The following ST6GALNAC3 variants were observed in gnomAD, a reference collection of about 807,000 sequenced individuals.
The protein encoded by ST6GALNAC3 is alpha-N-acetylgalactosaminide alpha-2,6-sialyltransferase 3.
Under a neutral mutation model 32.7 loss-of-function variants are expected in ST6GALNAC3, and 25 were observed. The ratio of observed to expected loss-of-function variants is 0.76; its 90% CI spans 0.56 to 1.07. The LOEUF is 1.07. Among genes scored for constraint, ST6GALNAC3 ranks in the 50% least tolerant of loss-of-function variants. The pLI is 0.00. For synonymous variants in ST6GALNAC3, 129 were observed against 133.1 expected (o/e 0.97, Z 0.21); for missense variants, 355 against 382.4 (o/e 0.93, Z 0.60).
intron 1 of ST6GALNAC3, among the ~76,000 whole-genome samples, chr1:76,211,789 G>T (rs184573064): frequency 5.0e-3 from 764 of 152,046 alleles, no homozygotes; most frequent in Non-Finnish European, 7.8e-3. Context: ...CTGTTGTGGG[G>T]TGGGGGGAGC....
At chr1:76,452,265 A>G (rs6671888) in intron 3 of ST6GALNAC3, among the ~76,000 whole-genome samples, 75,668 of 151,974 alleles carry the variant, frequency 0.5, 22,305 homozygotes, top group Non-Finnish European at 0.65. Context: ...GACTGCTGCC[A>G]TCCACGTAAG....
intron 3 of ST6GALNAC3, among the ~76,000 whole-genome samples, chr1:76,457,204 G>C (rs1657883022): frequency 6.6e-6 from 1 of 151,242 alleles, no homozygotes; most frequent in Non-Finnish European, 1.5e-5. Flanking sequence ...AAATAAAAGA[G>C]GATACAAACA....
chr1:76,245,846 A>C (rs955580929), intron 1 of ST6GALNAC3, among the ~76,000 whole-genome samples: 1 of 152,182 alleles, frequency 6.6e-6, no homozygotes, highest in Non-Finnish European at 1.5e-5. Context: ...CAATTTTAGA[A>C]TAAGTGCCAT....
At chr1:76,493,470 C>G (rs1324744618) in intron 3 of ST6GALNAC3, among the ~76,000 whole-genome samples, 4 of 152,172 alleles carry the variant, frequency 2.6e-5, no homozygotes, top group African/African-American at 9.7e-5. Context: ...AGTCTTCACT[C>G]CTGATTTTGC....
At chr1:76,406,303 T>C (rs1164632951) in intron 2 of ST6GALNAC3, among the ~76,000 whole-genome samples, 1 of 152,054 alleles carries the variant, frequency 6.6e-6, no homozygotes, top group South Asian at 2.1e-4. Context: ...TATTATTCCC[T>C]TTAGTCCTGG....
chr1:76,600,523 T>C (rs1194961730), intron 3 of ST6GALNAC3, among the ~76,000 whole-genome samples: 1 of 152,120 alleles, frequency 6.6e-6, no homozygotes, highest in African/African-American at 2.4e-5. Flanking sequence ...AGGACCCTGC[T>C]CATTGTCCTC....
At chr1:76,397,926 C>T (rs1653101715) in intron 2 of ST6GALNAC3, among the ~76,000 whole-genome samples, 1 of 151,630 alleles carries the variant, frequency 6.6e-6, no homozygotes, top group Non-Finnish European at 1.5e-5. Flanking sequence ...AGGAGAACTA[C>T]TGTGTCATCT....
chr1:76,605,642 A>T (rs1477854003), intron 3 of ST6GALNAC3, among the ~76,000 whole-genome samples: 1 of 152,056 alleles, frequency 6.6e-6, no homozygotes, highest in African/African-American at 2.4e-5. Flanking sequence ...AGGCGGGTGG[A>T]TCACCTGAAG....
chr1:76,156,212 T>G (rs1225247528), intron 1 of ST6GALNAC3, among the ~76,000 whole-genome samples: 1 of 152,164 alleles, frequency 6.6e-6, no homozygotes, highest in Non-Finnish European at 1.5e-5. Flanking sequence ...ATTAACATGA[T>G]TTAACGTTGT....
intron 2 of ST6GALNAC3, among the ~76,000 whole-genome samples, chr1:76,376,396 A>G (rs1278550827): frequency 6.6e-6 from 1 of 152,178 alleles, no homozygotes; most frequent in Non-Finnish European, 1.5e-5. Context: ...TACCACAGTC[A>G]AGATACAGAA....
chr1:76,207,151 C>A (rs1033237609), intron 1 of ST6GALNAC3, among the ~76,000 whole-genome samples: 1 of 152,178 alleles, frequency 6.6e-6, no homozygotes, highest in Non-Finnish European at 1.5e-5. Flanking sequence ...ATTTAACTAT[C>A]CTCAGAGTTC....
chr1:76,628,945 G>A lies in ST6GALNAC3; in HGVS notation c.*139G>A. ...CAAGTTCCTGTACACTCTCAGATGT[G>A]GATGGTGACTCTGCTAGTAATTTAA... is the stretch of plus-strand genomic sequence containing the variant. On this transcript the variant is annotated 3_prime_UTR_variant, in exon 5 of 5. Transcript: ENST00000328299. 1.4e-6 allele frequency: 2 copies of A among 1,465,522 alleles called. No individual in the cohort carries two copies. Among genetic ancestry groups the A allele is most frequent in the Non-Finnish European group, 1.8e-6 (2 of 1,119,248 alleles). The allele number at this position is 1,465,522 out of a possible 1,614,324, so 90.8% of individuals were successfully genotyped here.
In ST6GALNAC3 at chr1:76,435,641, A is replaced by G. The variant is rs181495452; in HGVS notation, c.623+23224A>G. Among the ~76,000 whole-genome samples, 343 of 152,306 alleles carry G rather than the reference A, an allele frequency of 2.3e-3. 1 individual carries two copies. The highest frequency in any genetic ancestry group is 7.9e-3 in the African/African-American group (330 of 41,588). On this transcript the variant is annotated intron_variant, in intron 3 of 4. Transcript: ENST00000328299. ...ATTTGGGCAGAGCTAAAATGACTTA[A>G]CTGTAATTCCCCTAAAATTAATGTT...
intron 1 of ST6GALNAC3, among the ~76,000 whole-genome samples, chr1:76,113,470 G>A (rs1224879461): frequency 6.6e-6 from 1 of 151,896 alleles, no homozygotes; most frequent in Admixed American, 6.6e-5. Flanking sequence ...GATTCTAGAA[G>A]AAAGAACAAT....
intron 1 of ST6GALNAC3, among the ~76,000 whole-genome samples, chr1:76,216,914 G>A (rs757393384): frequency 2.4e-4 from 36 of 152,002 alleles, no homozygotes; most frequent in Non-Finnish European, 8.8e-5. Flanking sequence ...TACAAATCTT[G>A]TTCGGAAAAA....
At chr1:76,208,580 G>T (rs1654964444) in intron 1 of ST6GALNAC3, among the ~76,000 whole-genome samples, 1 of 152,088 alleles carries the variant, frequency 6.6e-6, no homozygotes, top group Admixed American at 6.5e-5. Context: ...AGTCATTCAG[G>T]GAACGTTTTA....
At chr1:76,440,965 G>T (rs1656538502) in intron 3 of ST6GALNAC3, among the ~76,000 whole-genome samples, 1 of 151,878 alleles carries the variant, frequency 6.6e-6, no homozygotes, top group African/African-American at 2.4e-5. Flanking sequence ...GGGTGTGCCT[G>T]TAGTCCCAAC....
At chr1:76,525,351 A>C (rs1038237726) in intron 3 of ST6GALNAC3, among the ~76,000 whole-genome samples, 27 of 152,252 alleles carry the variant, frequency 1.8e-4, no homozygotes, top group African/African-American at 6.0e-4. Context: ...AACTTCAACA[A>C]GGAATGCTAT....
At chr1:76,158,072 T>G (rs533483711) in intron 1 of ST6GALNAC3, among the ~76,000 whole-genome samples, 5 of 152,312 alleles carry the variant, frequency 3.3e-5, no homozygotes, top group African/African-American at 1.2e-4. Context: ...CAGGAAGCCA[T>G]CTGATAAATA....
Sources: allele counts gnomAD v4.1 joint callset (sites outside exome capture counted in the v4.1 genomes callset), GRCh38; gene constraint gnomAD v4.1.1; transcripts MANE v1.5; gene names NCBI Gene and HGNC (gene_info 2026-07-23, HGNC 2026-07-21).